The following PSMB7 variants were observed in gnomAD, a reference collection of about 807,000 sequenced individuals.
PSMB7 encodes proteasome subunit beta type-7.
Under a neutral mutation model 28.1 loss-of-function variants are expected in PSMB7, and 5 were observed. The ratio of observed to expected loss-of-function variants is 0.18; its 90% confidence interval spans 0.09 to 0.37. The LOEUF is 0.37. PSMB7 is among the 10% of genes least tolerant of loss of function. The pLI is 1.00. For synonymous variants in PSMB7, 122 were observed against 123.7 expected (o/e 0.99, Z 0.09); for missense variants, 275 against 346.2 (o/e 0.79, Z 1.63).
At chr9:124,372,689 A>G (rs994404780) in intron 6 of PSMB7, among the ~76,000 whole-genome samples, 1 of 152,192 alleles carries the variant, frequency 6.6e-6, no homozygotes, top group Non-Finnish European at 1.5e-5. Context: ...GACTTTTAAT[A>G]AAGGCAGAAT....
chr9:124,357,408 G>T (rs1045431847), intron 6 of PSMB7, among the ~76,000 whole-genome samples: 1 of 152,148 alleles, frequency 6.6e-6, no homozygotes, highest in Non-Finnish European at 1.5e-5. Flanking sequence ...CCCTGATCAA[G>T]AATGTCCAAC....
At chr9:124,387,132 G>A (rs555042417) in intron 5 of PSMB7, among the ~76,000 whole-genome samples, 75 of 152,166 alleles carry the variant, frequency 4.9e-4, no homozygotes, top group African/African-American at 1.8e-3. Context: ...TGTAGTCCCA[G>A]CTACGCAGGA....
intron 6 of PSMB7, among the ~76,000 whole-genome samples, chr9:124,363,609 C>G (rs915597201): frequency 6.6e-6 from 1 of 152,194 alleles, no homozygotes; most frequent in African/African-American, 2.4e-5. Context: ...CAGAGCCGAG[C>G]TGCAGCTGGT....
intron 7 of PSMB7, among the ~76,000 whole-genome samples, chr9:124,355,882 T>C (rs1488480223): frequency 6.6e-6 from 1 of 152,118 alleles, no homozygotes; most frequent in African/African-American, 2.4e-5. Context: ...GAACGTTCCA[T>C]TCCTTCCTTG....
intron 6 of PSMB7, among the ~76,000 whole-genome samples, chr9:124,360,221 G>A (rs1830452957): frequency 6.6e-6 from 1 of 152,150 alleles, no homozygotes; most frequent in Non-Finnish European, 1.5e-5. Context: ...AAACTATCAA[G>A]AAAAACCACA....
At chr9:124,369,927 A>ATAG (rs1311901011) in intron 6 of PSMB7, among the ~76,000 whole-genome samples, 1 of 152,130 alleles carries the variant, frequency 6.6e-6, no homozygotes, top group Non-Finnish European at 1.5e-5. Flanking sequence ...TTTTCATGAC[A>ATAG]TAGTCCCTGC....
intron 5 of PSMB7, among the ~76,000 whole-genome samples, chr9:124,397,220 G>A (rs1416632185): frequency 1.3e-5 from 2 of 152,188 alleles, no homozygotes; most frequent in Non-Finnish European, 2.9e-5. Context: ...TCACAGTGGT[G>A]CAAAGATTGT....
At chr9:124,370,372 A>C (rs903351033) in intron 6 of PSMB7, among the ~76,000 whole-genome samples, 4 of 151,976 alleles carry the variant, frequency 2.6e-5, no homozygotes, top group African/African-American at 9.7e-5. Context: ...AAAAAAAAAA[A>C]ACCTGTCATA....
chr9:124,411,545 A>G (rs1831027354), intron 4 of PSMB7, among the ~76,000 whole-genome samples: 1 of 152,262 alleles, frequency 6.6e-6, no homozygotes, highest in South Asian at 2.1e-4. Context: ...CCAGTATTCC[A>G]ACCCAAGACT....
intron 5 of PSMB7, among the ~76,000 whole-genome samples, chr9:124,386,872 C>T (rs1412309250): frequency 6.6e-6 from 1 of 151,794 alleles, no homozygotes; most frequent in Non-Finnish European, 1.5e-5. Flanking sequence ...TTCCTAGGCA[C>T]ATATATTTCC....
intron 5 of PSMB7, among the ~76,000 whole-genome samples, chr9:124,392,718 A>C (rs1830800452): frequency 1.3e-5 from 2 of 152,210 alleles, no homozygotes; most frequent in African/African-American, 2.4e-5. Flanking sequence ...AGAGGTCTTC[A>C]GAATTTCTTT....
intron 6 of PSMB7, among the ~76,000 whole-genome samples, chr9:124,368,566 C>A (rs2131149059): frequency 6.6e-6 from 1 of 152,280 alleles, no homozygotes. Context: ...GTAATAAAAC[C>A]TCTCAGCAAA....
intron 6 of PSMB7, among the ~76,000 whole-genome samples, chr9:124,359,149 A>AT (rs1468729527): frequency 9.2e-5 from 14 of 152,256 alleles, no homozygotes; most frequent in Non-Finnish European, 1.5e-4. Context: ...GTATGCTGTT[A>AT]TTTAAGTATG....
At chr9:124,411,602 A>C (rs1018400214) in intron 4 of PSMB7, among the ~76,000 whole-genome samples, 1 of 152,274 alleles carries the variant, frequency 6.6e-6, no homozygotes, top group Non-Finnish European at 1.5e-5. Flanking sequence ...TCTTATGAGA[A>C]GCAAATGAGA....
At chr9:124,397,448 T>G (rs1437771743) in intron 5 of PSMB7, among the ~76,000 whole-genome samples, 1 of 152,218 alleles carries the variant, frequency 6.6e-6, no homozygotes, top group Non-Finnish European at 1.5e-5. Flanking sequence ...GCAGATCAGC[T>G]GTGCCTCAAG....
At chr9:124,379,987 G>A (rs1186907876) in intron 6 of PSMB7, among the ~76,000 whole-genome samples, 3 of 152,192 alleles carry the variant, frequency 2.0e-5, no homozygotes, top group Non-Finnish European at 4.4e-5. Flanking sequence ...CCCTCAAGGA[G>A]CTCCCTCTCT....
chr9:124,387,071 C>A (rs989231457), intron 5 of PSMB7, among the ~76,000 whole-genome samples: 2 of 152,070 alleles, frequency 1.3e-5, no homozygotes, highest in Admixed American at 6.6e-5. Context: ...ACAGTGAAAC[C>A]CTGTCTCTAC....
At chr9:124,387,562 T>C (rs1047816663) in intron 5 of PSMB7, among the ~76,000 whole-genome samples, 1 of 152,088 alleles carries the variant, frequency 6.6e-6, no homozygotes, top group African/African-American at 2.4e-5. Context: ...CTGCTTCCCA[T>C]GAAATCAAAG....
At chr9:124,381,656 A>G (rs1564679997) in intron 6 of PSMB7, among the ~76,000 whole-genome samples, 1 of 152,230 alleles carries the variant, frequency 6.6e-6, no homozygotes, top group Non-Finnish European at 1.5e-5. Flanking sequence ...GAAATTTTAA[A>G]CCAAACTGCC....
Sources: gnomAD v4.1 joint callset for allele counts (sites outside exome capture counted in the v4.1 genomes callset) on GRCh38, gnomAD v4.1.1 for gene constraint, MANE v1.5 for transcripts, NCBI Gene and HGNC (gene_info 2026-07-23, HGNC 2026-07-21) for gene names.